SLC22A16: variants seen among roughly 807,000 people sequenced by gnomAD.
SLC22A16 encodes the protein WUGSC:RG331P03.1.
A neutral mutation model predicts 52.9 loss-of-function variants in SLC22A16; 53 were observed. The observed-to-expected ratio is 1.00, with a 90% CI of 0.80 to 1.26. The LOEUF (loss-of-function observed/expected upper bound fraction) is 1.26, where lower values mean the gene tolerates loss of function less well. SLC22A16 is among the 50% of genes most tolerant of loss of function. The pLI is 0.00. For synonymous variants in SLC22A16, 291 were observed against 268.8 expected, an observed-to-expected ratio of 1.08 and a Z score of -0.81; for missense variants, 726 against 704.0, an observed-to-expected ratio of 1.03 and a Z score of -0.35.
chr6:110,441,312 G>A (rs760665251), intron 4 of SLC22A16, among the ~76,000 whole-genome samples: 5 of 152,222 alleles, frequency 3.3e-5, no homozygotes, highest in Non-Finnish European at 7.3e-5. Context: ...CTCAATGGGT[G>A]CCAAAACAGT....
intron 1 of SLC22A16, 21 bp downstream of exon 1, chr6:110,476,501 C>CCTCA: frequency 2.4e-5 from 1 of 41,226 alleles, no homozygotes; most frequent in South Asian, 5.6e-4. Flanking sequence ...CGCGTGGCGC[C>CCTCA]GCGGGGCCCC....
intron 1 of SLC22A16, among the ~76,000 whole-genome samples, chr6:110,461,081 A>T (rs550153922): frequency 4.6e-5 from 7 of 152,318 alleles, no homozygotes; most frequent in Non-Finnish European, 8.8e-5. Context: ...CACTTTTCAC[A>T]GTGGCTGCAT....
At chr6:110,474,984 C>T (rs376688213) in intron 1 of SLC22A16, 48 of 518,898 alleles carry the variant, frequency 9.3e-5, no homozygotes, top group Non-Finnish European at 9.2e-5. Context: ...CTCATATACA[C>T]ATTTTCACTA....
intron 1 of SLC22A16, among the ~76,000 whole-genome samples, chr6:110,462,233 A>G (rs1050777074): frequency 7.2e-5 from 11 of 152,222 alleles, no homozygotes; most frequent in African/African-American, 2.7e-4. Flanking sequence ...GGGACACAGA[A>G]CCAAACTATA....
intron 7 of SLC22A16, among the ~76,000 whole-genome samples, chr6:110,427,247 CAAAAAAAAA>C (rs71018390): frequency 1.2e-4 from 7 of 60,600 alleles, no homozygotes; most frequent in African/African-American, 3.9e-4. Flanking sequence ...GACCCAATCT[CAAAAAAAAA>C]AAAAAAAAGA....
chr6:110,425,352 AT>A (rs1774216643), intron 7 of SLC22A16: 1 of 1,389,780 alleles, frequency 7.2e-7, no homozygotes, highest in Non-Finnish European at 9.6e-7. Flanking sequence ...TACTGCCTGC[AT>A]TATTACTCCT....
intron 6 of SLC22A16, 56 bp from the exon 7 acceptor site, chr6:110,431,326 A>G: frequency 6.9e-7 from 1 of 1,459,772 alleles, no homozygotes; most frequent in Non-Finnish European, 9.5e-7. Context: ...CCAGGGATTG[A>G]GGGACCTGCT....
chr6:110,443,780 A>G (rs9487407), intron 3 of SLC22A16, among the ~76,000 whole-genome samples: 6,815 of 152,328 alleles, frequency 0.045, 240 homozygotes, highest in East Asian at 0.14. Flanking sequence ...CAACCCCCCA[A>G]GGGTCCGTCC....
In SLC22A16 at chr6:110,442,529, G is replaced by A. The variant is rs745594604; in HGVS notation, c.898C>T (p.Arg300Ter). 1.8e-5 allele frequency: 29 copies of A among 1,613,848 alleles called. No individual in the cohort carries two copies. Among genetic ancestry groups the A allele is most frequent in the African/African-American group, 5.3e-5 (4 of 74,854 alleles). ...ACTATTTTTTGTGCTTCTTCATATC[G>A]TCCCTCTGAGAGAAGCCAAAAAGGT... ...ETPFWLLSEG[R>*]YEEAQKIVDI... is the part of the protein sequence containing the mutation. Residue 300 changes from arginine to a stop codon, truncating the protein, a stop_gained, in exon 4 of 8, where the codon CGA becomes TGA. Transcript: ENST00000368919. LOFTEE classifies it high-confidence loss of function.
chr6:110,454,607 T>C (rs1301994609), intron 2 of SLC22A16, among the ~76,000 whole-genome samples: 1 of 89,254 alleles, frequency 1.1e-5, no homozygotes, highest in Non-Finnish European at 2.0e-5. Flanking sequence ...ATATATATTA[T>C]ATATTTTATA....
chr6:110,475,495 G>A (rs1421848840), intron 1 of SLC22A16, among the ~76,000 whole-genome samples: 1 of 152,184 alleles, frequency 6.6e-6, no homozygotes, highest in African/African-American at 2.4e-5. Flanking sequence ...CTTCCTGCCC[G>A]TTTCCTCTGT....
intron 7 of SLC22A16, among the ~76,000 whole-genome samples, chr6:110,428,942 G>C (rs888714173): frequency 6.6e-6 from 1 of 151,954 alleles, no homozygotes; most frequent in South Asian, 2.1e-4. Context: ...AAAATAAAAG[G>C]AGCTTGTTTA....
chr6:110,476,274 G>T, intron 1 of SLC22A16: 1 of 1,239,364 alleles, frequency 8.1e-7, no homozygotes, highest in Non-Finnish European at 1.1e-6. Flanking sequence ...CCTCCTGCCC[G>T]GCAACAGGCG....
chr6:110,455,914 A>G lies in SLC22A16; in HGVS notation c.533+624T>C, dbSNP rs566171420. On this transcript the variant is annotated intron_variant, in intron 2 of 7. Transcript: ENST00000368919. Reference sequence around the variant, plus strand: ...CAATAAGGCACCATCTTGAAAGCAAACAACAGCCTTCCCAGTCAGCAATCC... The same window carrying G: ...CAATAAGGCACCATCTTGAAAGCAAGCAACAGCCTTCCCAGTCAGCAATCC... 3 of 152,508 alleles carry G rather than the reference A, an allele frequency of 2.0e-5. No individual in the cohort carries two copies. In the East Asian group the frequency reaches 5.8e-4, roughly 29 times the overall value. The allele number at this position is 152,508 out of a possible 1,614,324, so 9.4% of individuals were successfully genotyped here.
Position 110,446,897 on chromosome 6 carries a change from C to T in SLC22A16, c.627G>A (p.Met209Ile), listed in dbSNP as rs1313985838. 1 of 1,613,276 alleles carries T rather than the reference C, an allele frequency of 6.2e-7. No individual in the cohort carries two copies. The highest frequency in any genetic ancestry group is 8.5e-7 in the Non-Finnish European group (1 of 1,179,748). Residue 209 changes from methionine to isoleucine, a missense_variant, in exon 3 of 8, where the codon ATG becomes ATA. Transcript: ENST00000368919. Reference sequence around the variant, plus strand: ...CCATGGCAAGAAAAAAGCGAGCAGCCATGAAGGTGTAATAATCAACTGCAA... The same window carrying T: ...CCATGGCAAGAAAAAAGCGAGCAGCTATGAAGGTGTAATAATCAACTGCAA... ...AAFAVDYYTF[M>I]AARFFLAMVA...
chr6:110,439,032 A>T (rs1774859213), intron 4 of SLC22A16, among the ~76,000 whole-genome samples, 185 bp from the exon 5 acceptor site: 1 of 152,242 alleles, frequency 6.6e-6, no homozygotes, highest in South Asian at 2.1e-4. Flanking sequence ...TACAGTAAAG[A>T]TGAGCGTTTC....
intron 2 of SLC22A16, among the ~76,000 whole-genome samples, chr6:110,448,535 A>G (rs1342756787): frequency 6.6e-6 from 1 of 152,224 alleles, no homozygotes; most frequent in Non-Finnish European, 1.5e-5. Flanking sequence ...GCAAATAAAT[A>G]AGAAACCATC....
chr6:110,434,187 C>A (rs1279692158), intron 6 of SLC22A16, among the ~76,000 whole-genome samples: 1 of 152,022 alleles, frequency 6.6e-6, no homozygotes, highest in Non-Finnish European at 1.5e-5. Context: ...TGCAGTGAGC[C>A]AAGATCACAC....
At chr6:110,447,772 G>A (rs552729188) in intron 2 of SLC22A16, among the ~76,000 whole-genome samples, 1 of 152,160 alleles carries the variant, frequency 6.6e-6, no homozygotes, top group Non-Finnish European at 1.5e-5. Flanking sequence ...GTGGCCTTTT[G>A]TGTCTGACTT....
Sources: allele counts gnomAD v4.1 joint callset (sites outside exome capture counted in the v4.1 genomes callset), GRCh38; gene constraint gnomAD v4.1.1; transcripts MANE v1.5; gene names NCBI Gene and HGNC (gene_info 2026-07-23, HGNC 2026-07-21).